The following DSCAM variants were observed in gnomAD, a reference collection of about 807,000 sequenced individuals.
DSCAM encodes DS cell adhesion molecule, also known as cell adhesion molecule DSCAM.
In DSCAM, 47 loss-of-function variants were observed where a neutral mutation model predicts 217.7. The observed-to-expected ratio is 0.22, with a 90% CI of 0.17 to 0.28. The LOEUF (loss-of-function observed/expected upper bound fraction) is 0.28, where lower values mean the gene tolerates loss of function less well. Ranked by LOEUF, DSCAM falls within the 10% of genes least tolerant of loss-of-function variation. The probability of loss-of-function intolerance (pLI) is 1.00; values close to 1 mark genes in which losing one functional copy is unlikely to be tolerated. For synonymous variants in DSCAM, 1,056 were observed against 1,015.3 expected (o/e 1.04, Z -0.76); for missense variants, 2,080 against 2,618.3 (o/e 0.79, Z 4.49).
At chr21:40,376,109 G>C (rs930345984) in intron 3 of DSCAM, among the ~76,000 whole-genome samples, 1 of 151,982 alleles carries the variant, frequency 6.6e-6, no homozygotes, top group Non-Finnish European at 1.5e-5. Flanking sequence ...TTTTCCTATT[G>C]CAGTCTATAT....
intron 15 of DSCAM, among the ~76,000 whole-genome samples, chr21:40,171,478 T>C (rs2090657236): frequency 6.6e-6 from 1 of 152,062 alleles, no homozygotes; most frequent in African/African-American, 2.4e-5. Flanking sequence ...AACAGCTTTA[T>C]TACTTAGCCT....
chr21:40,545,737 A>C (rs1041427246), intron 3 of DSCAM, among the ~76,000 whole-genome samples: 1 of 152,210 alleles, frequency 6.6e-6, no homozygotes, highest in African/African-American at 2.4e-5. Context: ...TGGTCTGGCT[A>C]TGGCTCCGAG....
intron 11 of DSCAM, among the ~76,000 whole-genome samples, chr21:40,255,086 A>G (rs1164384727): frequency 2.0e-5 from 3 of 152,174 alleles, no homozygotes; most frequent in Non-Finnish European, 4.4e-5. Context: ...ATAAACAGGT[A>G]AATAAAGGAT....
chr21:40,051,136 GA>G (rs1345935141), intron 30 of DSCAM, among the ~76,000 whole-genome samples: 2 of 152,084 alleles, frequency 1.3e-5, no homozygotes, highest in Non-Finnish European at 2.9e-5. Context: ...ACTATTCTAA[GA>G]ATGTAAATTT....
At chr21:40,312,409 C>T (rs1277863503) in intron 8 of DSCAM, 50 bp from the exon 9 acceptor site, 2 of 1,589,044 alleles carry the variant, frequency 1.3e-6, no homozygotes, top group African/African-American at 1.4e-5. Context: ...TCTACATTTG[C>T]TTTTCCTTTA....
intron 1 of DSCAM, among the ~76,000 whole-genome samples, chr21:40,817,246 G>A (rs1007477899): frequency 2.0e-5 from 3 of 151,918 alleles, no homozygotes; most frequent in Non-Finnish European, 2.9e-5. Context: ...ACTCTCCCCC[G>A]TTTGTAGTAT....
intron 14 of DSCAM, among the ~76,000 whole-genome samples, chr21:40,184,254 CTG>C (rs1213441529): frequency 7.9e-5 from 12 of 152,332 alleles, no homozygotes; most frequent in African/African-American, 2.9e-4. Flanking sequence ...CCAAAAATTT[CTG>C]GAGGAAGAAA....
Position 40,825,752 on chromosome 21 carries a change from T to C in DSCAM, c.43+20867A>G, listed in dbSNP as rs185257489. Among the ~76,000 whole-genome samples the C allele has an allele frequency of 7.2e-4, 110 of 152,290 alleles. 2 individuals carry two copies. In the Middle Eastern group the frequency reaches 0.01, roughly 14 times the overall value. On this transcript the variant is annotated intron_variant, in intron 1 of 32. Coordinates refer to ENST00000400454, the MANE Select transcript of DSCAM (RefSeq NM_001389.5). ...AGGGGTTTTATTGTTATATCTTTTA[T>C]GGGTGCGTGAGAGTTGAGAATTCTA...
intron 9 of DSCAM, among the ~76,000 whole-genome samples, chr21:40,304,622 G>A (rs929810998): frequency 1.3e-5 from 2 of 152,252 alleles, no homozygotes; most frequent in Non-Finnish European, 2.9e-5. Flanking sequence ...TAAAGTGAGA[G>A]ATGTGCAATG....
rs191239911 is a variant in DSCAM, at chr21:40,329,253, G to A, written c.1783+8848C>T. On this transcript the variant is annotated intron_variant, in intron 8 of 32. Coordinates refer to ENST00000400454, the MANE Select transcript of DSCAM (RefSeq NM_001389.5). ...CATTGTTTACAATAGCCAAGATATG[G>A]ATTCAAGTGGCTAAATGGTCACCAG... is the stretch of plus-strand genomic sequence containing the variant. Among the ~76,000 whole-genome samples the A allele has an allele frequency of 7.8e-4, 119 of 152,252 alleles. 1 individual carries two copies. The highest frequency in any genetic ancestry group is 2.8e-3 in the African/African-American group (117 of 41,556).
At chr21:40,168,546 T>G (rs1394245807) in intron 15 of DSCAM, among the ~76,000 whole-genome samples, 1 of 152,138 alleles carries the variant, frequency 6.6e-6, no homozygotes, top group East Asian at 1.9e-4. Context: ...GGATTGACAA[T>G]TTTTAGATCA....
At chr21:40,567,573 G>T (rs1273866683) in intron 3 of DSCAM, among the ~76,000 whole-genome samples, 11 of 152,194 alleles carry the variant, frequency 7.2e-5, no homozygotes, top group Admixed American at 7.2e-4. Context: ...ACAAACATCT[G>T]TCTCTATAAT....
intron 3 of DSCAM, among the ~76,000 whole-genome samples, chr21:40,521,732 A>AG (rs763850500): frequency 3.3e-5 from 5 of 152,148 alleles, no homozygotes; most frequent in Non-Finnish European, 5.9e-5. Flanking sequence ...TGGGGAGTGG[A>AG]GGGTCAATGG....
At chr21:40,737,858 T>A (rs1469006125) in intron 1 of DSCAM, among the ~76,000 whole-genome samples, 1 of 152,182 alleles carries the variant, frequency 6.6e-6, no homozygotes, top group Non-Finnish European at 1.5e-5. Flanking sequence ...CCAGCCCATA[T>A]CAAGGTGAGG....
At chr21:40,238,834 A>G (rs956194100) in intron 11 of DSCAM, among the ~76,000 whole-genome samples, 26 of 152,102 alleles carry the variant, frequency 1.7e-4, no homozygotes, top group African/African-American at 4.8e-5. Context: ...CTAGAATCCT[A>G]CCACTTTCAG....
intron 3 of DSCAM, among the ~76,000 whole-genome samples, chr21:40,647,723 C>A (rs975687725): frequency 6.6e-6 from 1 of 152,212 alleles, no homozygotes; most frequent in African/African-American, 2.4e-5. Context: ...CAAACCTCAT[C>A]AGATAATAGT....
At chr21:40,639,168 A>G (rs2089846855) in intron 3 of DSCAM, among the ~76,000 whole-genome samples, 2 of 151,912 alleles carry the variant, frequency 1.3e-5, no homozygotes, top group Non-Finnish European at 2.9e-5. Context: ...AAAGCACAGG[A>G]GAAATCCACC....
chr21:40,399,278 A>AAAC (rs1286535586), intron 3 of DSCAM, among the ~76,000 whole-genome samples: 1 of 139,032 alleles, frequency 7.2e-6, no homozygotes, highest in East Asian at 2.0e-4. Flanking sequence ...TCACAAAACA[A>AAAC]AACAAAACAA....
In DSCAM at chr21:40,190,719, T is replaced by G. The variant is rs375974171; in HGVS notation, c.2357-1481A>C. ...CAAAAGCTAACATACTCTAGAAGAA[T>G]GTGTCCTCTGTCCAGGCCCACTGAA... On this transcript the variant is annotated intron_variant, in intron 11 of 32. Transcript: ENST00000400454. Among the ~76,000 whole-genome samples, 58 of 152,290 alleles carry G rather than the reference T, an allele frequency of 3.8e-4. 1 individual carries two copies. The highest frequency in any genetic ancestry group is 1.4e-3 in the African/African-American group (58 of 41,570).
Sources: allele counts gnomAD v4.1 joint callset (sites outside exome capture counted in the v4.1 genomes callset), GRCh38; gene constraint gnomAD v4.1.1; transcripts MANE v1.5; gene names NCBI Gene and HGNC (gene_info 2026-07-23, HGNC 2026-07-21).